NBPF9: variants seen among roughly 807,000 people sequenced by gnomAD.
The protein encoded by NBPF9 is NBPF family member NBPF9.
Under a neutral mutation model 97.8 loss-of-function variants are expected in NBPF9, and 91 were observed. The observed-to-expected ratio is 0.93, with a 90% CI of 0.79 to 1.11. The LOEUF (loss-of-function observed/expected upper bound fraction) is 1.11, where lower values mean the gene tolerates loss of function less well. Ranked by LOEUF, NBPF9 falls within the 50% of genes least tolerant of loss-of-function variation. The pLI, the probability that NBPF9 is intolerant of heterozygous loss-of-function variation, is 0.00. For missense variants in NBPF9, 992 were observed against 939.5 expected (o/e 1.06, Z -0.73); for synonymous variants, 334 against 359.5 (o/e 0.93, Z 0.80).
intron 13 of NBPF9, 60 bp downstream of exon 13, chr1:149,073,708 T>C (rs2079604702): frequency 2.3e-6 from 3 of 1,331,066 alleles, no homozygotes; most frequent in Non-Finnish European, 3.2e-6. Flanking sequence ...CCCACCGAGC[T>C]GCTGTACTTC....
intron 20 of NBPF9, among the ~76,000 whole-genome samples, chr1:149,063,195 T>A (rs587749745): frequency 7.1e-6 from 1 of 139,998 alleles, no homozygotes; most frequent in Admixed American, 7.1e-5. Flanking sequence ...CCAATCGATT[T>A]AAAGCAAATG....
At chr1:149,075,620 C>T (rs1362815398) in intron 12 of NBPF9, 35 bp downstream of exon 12, 83 of 1,589,136 alleles carry the variant, frequency 5.2e-5, no homozygotes, top group Non-Finnish European at 7.1e-5. Flanking sequence ...GGACGTCGTT[C>T]ATCACTTTCG....
At chr1:149,062,000 C>T (rs1256954743) in intron 22 of NBPF9, 93 bp downstream of exon 22, 1 of 678,318 alleles carries the variant, frequency 1.5e-6, no homozygotes, top group Admixed American at 2.0e-5. Context: ...GCAATGACAT[C>T]TCTCAGGTCA....
At chr1:149,057,752 CAG>C (rs1250490177) in intron 27 of NBPF9, among the ~76,000 whole-genome samples, 3,786 of 62,600 alleles carry the variant, frequency 0.06, 27 homozygotes, top group Admixed American at 0.069. Context: ...CACACACACA[CAG>C]AGAGAGAGAG....
intron 26 of NBPF9, 196 bp downstream of exon 26, chr1:149,058,729 A>C (rs1553649582): frequency 4.2e-6 from 2 of 476,918 alleles, no homozygotes; most frequent in African/African-American, 5.6e-5. Flanking sequence ...GACTAGGAAT[A>C]GAGCCTTGCT....
exon 14 of NBPF9, chr1:149,072,876 T>A (rs1229996671): frequency 1.2e-5 from 20 of 1,606,348 alleles, no homozygotes; most frequent in Non-Finnish European, 1.4e-5. Context: ...TTCCCGCAAC[T>A]TCTCCCTTAA....
intron 11 of NBPF9, among the ~76,000 whole-genome samples, chr1:149,076,333 G>T (rs1397027721): frequency 2.0e-5 from 3 of 150,832 alleles, no homozygotes; most frequent in African/African-American, 7.3e-5. Flanking sequence ...AAGCATCTGG[G>T]ATTACAAGGG....
Position 149,055,589 on chromosome 1 carries a change from T to C in NBPF9, c.*67A>G, listed in dbSNP as rs1553648566. Reference sequence around the variant, plus strand: ...GCTTCCAAATGGAACTGTACTTTCATTCAAAACTTCACGTGCCTATAGGTC... The same window carrying C: ...GCTTCCAAATGGAACTGTACTTTCACTCAAAACTTCACGTGCCTATAGGTC... On this transcript the variant is annotated 3_prime_UTR_variant, in exon 30 of 30. Transcript: ENST00000584027. The C allele has an allele frequency of 1.7e-5, 27 of 1,567,134 alleles. 1 individual carries two copies. The highest frequency in any genetic ancestry group is 2.3e-5 in the Non-Finnish European group (27 of 1,155,354).
At position 149,076,744 on chromosome 1, in the gene NBPF9, C is replaced by G. The variant is rs369367192; in HGVS notation, c.778+464G>C. On this transcript the variant is annotated intron_variant, in intron 11 of 29. Coordinates refer to ENST00000584027, the Ensembl canonical transcript of NBPF9. Reference sequence around the variant, plus strand: ...AGGATGGTCTCAATCTCCTGACCTCCTGATCCACCCACCTCGGCCTCCCAA... The same window carrying G: ...AGGATGGTCTCAATCTCCTGACCTCGTGATCCACCCACCTCGGCCTCCCAA... Among the ~76,000 whole-genome samples the G allele has an allele frequency of 2.0e-5, 3 of 148,686 alleles. 1 individual carries two copies. The highest frequency in any genetic ancestry group is 4.5e-5 in the Non-Finnish European group (3 of 66,762).
chr1:149,089,778 G>A (rs1360013030), intron 5 of NBPF9, among the ~76,000 whole-genome samples: 2 of 152,306 alleles, frequency 1.3e-5, no homozygotes, highest in African/African-American at 4.8e-5. Flanking sequence ...TTTATTTCAT[G>A]CCTTTCTAAT....
downstream of NBPF9, chr1:149,054,002 C>T (rs1339653004): frequency 4.0e-4 from 59 of 148,454 alleles, no homozygotes; most frequent in African/African-American, 1.4e-3. Flanking sequence ...TAAACATAGC[C>T]TACAATGTGG....
chr1:149,081,049 C>A, intron 7 of NBPF9, among the ~76,000 whole-genome samples: 1 of 151,900 alleles, frequency 6.6e-6, no homozygotes, highest in East Asian at 1.9e-4. Flanking sequence ...GAACAAGAGC[C>A]TGTGCACCAG....
chr1:149,070,440 G>A (rs2079311276), intron 16 of NBPF9, among the ~76,000 whole-genome samples: 2 of 151,608 alleles, frequency 1.3e-5, no homozygotes. Context: ...TATCACCAAA[G>A]TAAAGAAGAA....
chr1:149,096,101 A>G (rs2081748075), intron 4 of NBPF9, among the ~76,000 whole-genome samples: 1 of 151,982 alleles, frequency 6.6e-6, no homozygotes, highest in African/African-American at 2.4e-5. Flanking sequence ...GAAAGAAGCC[A>G]GTCTGGAAAC....
chr1:149,100,911 G>A (rs587756110), intron 3 of NBPF9, among the ~76,000 whole-genome samples: 6 of 151,362 alleles, frequency 4.0e-5, no homozygotes, highest in Non-Finnish European at 1.5e-5. Context: ...TCTAGCCTGG[G>A]CAATAGAGTG....
In NBPF9 at chr1:149,068,982, A is replaced by T. The variant is rs375524771; in HGVS notation, c.1637+612T>A. Among the ~76,000 whole-genome samples the T allele has an allele frequency of 4.6e-5, 7 of 152,266 alleles. No homozygotes were observed. The East Asian group carries it at 5.8e-4, about 13-fold the overall frequency. On this transcript the variant is annotated intron_variant, in intron 17 of 29. Transcript: ENST00000584027. Reference sequence around the variant, plus strand: ...GATTAAGAAACTCACTCAAAACCGCACAACTACATGGAAACTGAACAACCT... The same window carrying T: ...GATTAAGAAACTCACTCAAAACCGCTCAACTACATGGAAACTGAACAACCT...
At chr1:149,054,007 A>T (rs2078055849), downstream of NBPF9, 1 of 149,264 alleles carries the variant, frequency 6.7e-6, no homozygotes, top group South Asian at 2.1e-4. Context: ...ATAGCCTACA[A>T]TGTGGAAGAG....
chr1:149,095,791 C>T (rs1466507070), intron 4 of NBPF9, among the ~76,000 whole-genome samples: 2 of 152,008 alleles, frequency 1.3e-5, no homozygotes, highest in African/African-American at 2.4e-5. Context: ...AAACACAAAA[C>T]GGTGAACACA....
rs1469192824 is a variant in NBPF9, at chr1:149,084,904, C to T, written c.-194-2474G>A. Reference sequence around the variant, plus strand: ...GAGCCCCCACCTTCAACGTCATTGTCACCATGACTGCCAAGACGCTAGGCC... The same window carrying T: ...GAGCCCCCACCTTCAACGTCATTGTTACCATGACTGCCAAGACGCTAGGCC... On this transcript the variant is annotated intron_variant, in intron 5 of 29. Coordinates refer to ENST00000584027, the Ensembl canonical transcript of NBPF9. Among the ~76,000 whole-genome samples the T allele has an allele frequency of 5.3e-5, 8 of 151,438 alleles. No homozygotes were observed. In the South Asian group the frequency reaches 1.7e-3, roughly 32 times the overall value.
Sources: allele counts gnomAD v4.1 joint callset (sites outside exome capture counted in the v4.1 genomes callset), GRCh38; gene constraint gnomAD v4.1.1; transcripts MANE v1.5; gene names NCBI Gene and HGNC (gene_info 2026-07-23, HGNC 2026-07-21).